Variants in SAMD3 observed in about 807,000 individuals in gnomAD.
SAMD3 encodes sterile alpha motif domain containing 3, also known as sterile alpha motif domain-containing protein 3.
In SAMD3, 63 loss-of-function variants were observed where a neutral mutation model predicts 58.5. The ratio of observed to expected loss-of-function variants is 1.08; its 90% CI spans 0.88 to 1.33. SAMD3 has a LOEUF of 1.33. SAMD3 is among the 40% of genes most tolerant of loss of function. The pLI is 0.00. For synonymous variants in SAMD3, 220 were observed against 210.3 expected, an observed-to-expected ratio of 1.05 and a Z score of -0.40; for missense variants, 604 against 608.4, an observed-to-expected ratio of 0.99 and a Z score of 0.08.
chr6:130,166,711 G>A (rs2114634641), intron 8 of SAMD3, among the ~76,000 whole-genome samples: 1 of 152,272 alleles, frequency 6.6e-6, no homozygotes, highest in Non-Finnish European at 1.5e-5. Context: ...TTAGAAAACA[G>A]GCAATGGATC....
intron 2 of SAMD3, among the ~76,000 whole-genome samples, chr6:130,293,551 T>A (rs1277255448): frequency 6.6e-6 from 1 of 151,628 alleles, no homozygotes; most frequent in Non-Finnish European, 1.5e-5. Flanking sequence ...GGTGACAATA[T>A]CCTTAAGTAG....
intron 1 of SAMD3, among the ~76,000 whole-genome samples, chr6:130,217,831 G>A (rs932355561): frequency 2.6e-5 from 4 of 152,158 alleles, no homozygotes; most frequent in African/African-American, 9.7e-5. Context: ...ATTCCTAAAA[G>A]TTTTGCTGGC....
At chr6:130,182,711 A>G (rs1037592351) in intron 7 of SAMD3, among the ~76,000 whole-genome samples, 1 of 152,140 alleles carries the variant, frequency 6.6e-6, no homozygotes, top group Admixed American at 6.5e-5. Flanking sequence ...GAGCCTTAAA[A>G]TGTCTTTATA....
intron 9 of SAMD3, among the ~76,000 whole-genome samples, chr6:130,152,025 C>T (rs915244): frequency 0.97 from 147,480 of 152,150 alleles, 71,635 homozygotes; most frequent in East Asian, 1. Flanking sequence ...TTTTAAATGC[C>T]TTGTTGAAAG....
intron 1 of SAMD3, among the ~76,000 whole-genome samples, chr6:130,356,906 A>G (rs1345925906): frequency 6.6e-6 from 1 of 152,170 alleles, no homozygotes; most frequent in Admixed American, 6.5e-5. Context: ...GAGTGACTCA[A>G]TGTTGCTTAG....
At chr6:130,210,986 G>T (rs540127789) in intron 4 of SAMD3, among the ~76,000 whole-genome samples, 1 of 151,972 alleles carries the variant, frequency 6.6e-6, no homozygotes, top group Admixed American at 6.5e-5. Flanking sequence ...TGGGCATGGT[G>T]GCATGTGCCT....
chr6:130,258,603 A>C (rs1774006355), intron 2 of SAMD3, among the ~76,000 whole-genome samples: 1 of 152,202 alleles, frequency 6.6e-6, no homozygotes, highest in Admixed American at 6.5e-5. Context: ...TAATGAACCT[A>C]ACTATCACAC....
intron 5 of SAMD3, among the ~76,000 whole-genome samples, chr6:130,190,435 G>A (rs542943041): frequency 6.6e-6 from 1 of 152,224 alleles, no homozygotes; most frequent in South Asian, 2.1e-4. Flanking sequence ...ACAATGTTCA[G>A]TGAATTAAAG....
intron 4 of SAMD3, among the ~76,000 whole-genome samples, chr6:130,213,278 T>G (rs1795724187): frequency 2.0e-5 from 3 of 151,574 alleles, no homozygotes; most frequent in Admixed American, 2.0e-4. Flanking sequence ...AGCCTGGGGG[T>G]CAGACTGAGA....
At chr6:130,192,391 TA>T (rs1381552003) in intron 5 of SAMD3, among the ~76,000 whole-genome samples, 17 of 152,284 alleles carry the variant, frequency 1.1e-4, no homozygotes, top group African/African-American at 3.9e-4. Flanking sequence ...GTTTCTGCCT[TA>T]ACTGATGACA....
At chr6:130,152,371 T>C (rs1217526672) in intron 9 of SAMD3, among the ~76,000 whole-genome samples, 1 of 152,032 alleles carries the variant, frequency 6.6e-6, no homozygotes, top group Non-Finnish European at 1.5e-5. Context: ...CGAAAATGAT[T>C]CGTTCTTTTG....
chr6:130,194,052 C>T lies in SAMD3; in HGVS notation c.384-9429G>A, dbSNP rs12111565. On this transcript the variant is annotated intron_variant, in intron 5 of 11. Coordinates refer to ENST00000439090, the MANE Select transcript of SAMD3 (RefSeq NM_001017373.4). ...AGCTAGGTCCCAATTCTTCCTCAGC[C>T]TCCGCTCCTCCACTCTATAATCTTT... 3.5e-3 allele frequency among the ~76,000 whole-genome samples: 531 copies of T among 152,260 alleles called. 1 individual carries two copies. The highest frequency in any genetic ancestry group is 0.012 in the African/African-American group (511 of 41,536).
At chr6:130,220,246 T>C (rs1198360642) in intron 1 of SAMD3, among the ~76,000 whole-genome samples, 1 of 152,194 alleles carries the variant, frequency 6.6e-6, no homozygotes, top group Non-Finnish European at 1.5e-5. Context: ...GTGATCCACC[T>C]GCCTCGGCCC....
chr6:130,153,548 C>A (rs1374630838), intron 9 of SAMD3, among the ~76,000 whole-genome samples: 1 of 150,680 alleles, frequency 6.6e-6, no homozygotes, highest in African/African-American at 2.4e-5. Context: ...TCATTATATA[C>A]CACCACCAAA....
chr6:130,267,613 C>T (rs926399545), intron 2 of SAMD3, among the ~76,000 whole-genome samples: 4 of 152,096 alleles, frequency 2.6e-5, no homozygotes, highest in Admixed American at 1.3e-4. Flanking sequence ...GAACCAGACC[C>T]AAAACCAAGG....
At chr6:130,190,370 A>C (rs892037687) in intron 5 of SAMD3, among the ~76,000 whole-genome samples, 6 of 152,168 alleles carry the variant, frequency 3.9e-5, no homozygotes, top group African/African-American at 1.4e-4. Flanking sequence ...TAATCATTAG[A>C]ATGTGATGCT....
At position 130,162,288 on chromosome 6, in the gene SAMD3, TAAG is replaced by T. The variant is rs1317243932; in HGVS notation, c.823-7266_823-7264del. On this transcript the variant is annotated intron_variant, in intron 8 of 11. Transcript: ENST00000439090. ...TTTAAGCTGACAGCTGGAGCAGAAA[TAAG>T]GAGGAGAATATTTCTAAGTTTGATT... 7.1e-6 allele frequency: 5 copies of T among 701,502 alleles called. No homozygotes were observed. The South Asian group carries it at 7.4e-5, about 10-fold the overall frequency. The allele number at this position is 701,502 out of a possible 1,614,324, so 43.5% of individuals were successfully genotyped here. A position where few individuals can be genotyped will look rare whatever the true frequency, so the allele number is the denominator to read the frequency against.
chr6:130,357,451 AT>A (rs1777869809), intron 1 of SAMD3, among the ~76,000 whole-genome samples: 1 of 152,090 alleles, frequency 6.6e-6, no homozygotes, highest in South Asian at 2.1e-4. Context: ...GTTAAAAAAA[AT>A]CTCCCTTCAA....
chr6:130,272,553 A>G (rs1774602741), intron 2 of SAMD3, among the ~76,000 whole-genome samples: 1 of 152,196 alleles, frequency 6.6e-6, no homozygotes, highest in East Asian at 1.9e-4. Flanking sequence ...CCCTTAAAAT[A>G]CCAGGAGGAT....
Sources: gnomAD v4.1 joint callset for allele counts (sites outside exome capture counted in the v4.1 genomes callset) on GRCh38, gnomAD v4.1.1 for gene constraint, MANE v1.5 for transcripts, NCBI Gene and HGNC (gene_info 2026-07-23, HGNC 2026-07-21) for gene names.